The following CLCA2 variants were observed in gnomAD, a reference collection of about 807,000 sequenced individuals.
The protein encoded by CLCA2 is calcium-activated chloride channel regulator 2.
In CLCA2, 85 loss-of-function variants were observed where a neutral mutation model predicts 82.9. The observed-to-expected ratio is 1.03, with a 90% CI of 0.86 to 1.23. The LOEUF (loss-of-function observed/expected upper bound fraction) is 1.23, where lower values mean the gene tolerates loss of function less well. CLCA2 is among the 50% of genes most tolerant of loss of function. The pLI, the probability that CLCA2 is intolerant of heterozygous loss-of-function variation, is 0.00. For synonymous variants in CLCA2, 421 were observed against 391.7 expected (o/e 1.07, Z -0.88); for missense variants, 1,089 against 1,124.8 (o/e 0.97, Z 0.45).
chr1:86,446,142 T>C (rs772462719), intron 10 of CLCA2, among the ~76,000 whole-genome samples: 5 of 152,030 alleles, frequency 3.3e-5, no homozygotes, highest in Middle Eastern at 3.4e-3. Flanking sequence ...ACCAGCTGCA[T>C]TCCTCCTGAC....
At chr1:86,436,859 A>G (rs1489375011) in intron 6 of CLCA2, among the ~76,000 whole-genome samples, 3 of 152,130 alleles carry the variant, frequency 2.0e-5, no homozygotes, top group Non-Finnish European at 2.9e-5. Flanking sequence ...GATTACAGGC[A>G]TGTGCCACCA....
At chr1:86,431,120 GTTC>G (rs1187901235) in intron 4 of CLCA2, 150 bp downstream of exon 4, 1 of 593,486 alleles carries the variant, frequency 1.7e-6, no homozygotes, top group South Asian at 2.3e-5. Context: ...TCACTTTTCA[GTTC>G]TTAAGTTATA....
In CLCA2 at chr1:86,450,577, A is replaced by G. The variant is rs1451818803; in HGVS notation, c.1999A>G (p.Lys667Glu). The G allele has an allele frequency of 6.2e-7, 1 of 1,612,656 alleles. No individual in the cohort carries two copies. The highest frequency in any genetic ancestry group is 1.3e-5 in the African/African-American group (1 of 75,024). Residue 667 changes from lysine to glutamate, a missense_variant, in exon 12 of 14, where the codon AAA becomes GAA. Lys to Glu is a moderately conservative substitution (Grantham distance 56). Coordinates refer to ENST00000370565, the MANE Select transcript of CLCA2 (RefSeq NM_006536.7). ...TATATATACAGGTGCTGATGTTATA[A>G]AAAATGATGGAATTTACTCGAGGTA... ...LDDGAGADVI[K>E]NDGIYSRYFF...
intron 6 of CLCA2, among the ~76,000 whole-genome samples, chr1:86,435,617 G>A (rs1255025833): frequency 6.6e-6 from 1 of 152,162 alleles, no homozygotes; most frequent in Non-Finnish European, 1.5e-5. Context: ...TCGTTATAAA[G>A]AGCATGATGG....
intron 6 of CLCA2, among the ~76,000 whole-genome samples, chr1:86,437,479 G>A (rs1570258300): frequency 6.6e-6 from 1 of 152,316 alleles, no homozygotes; most frequent in Non-Finnish European, 1.5e-5. Flanking sequence ...CAATCTTGAA[G>A]GATTCAACTA....
At position 86,425,367 on chromosome 1, in the gene CLCA2, T is replaced by C; in HGVS notation, c.215T>C (p.Leu72Pro). The change falls in exon 2 of 14, where the codon CTA (leucine) becomes CCA (proline). Residue 72 changes from leucine (L) to proline (P), a missense_variant. Transcript: ENST00000370565. ...ATGATAACTGAAGCTTCATTTTACCTATTTAATGCTACCAAGAGAAGAGTA... is the reference window on the plus strand; with the variant it reads ...ATGATAACTGAAGCTTCATTTTACCCATTTAATGCTACCAAGAGAAGAGTA... ...KEMITEASFY[L>P]FNATKRRVFF... 1 of 1,563,722 alleles carries C rather than the reference T, an allele frequency of 6.4e-7. No homozygotes were observed. The highest frequency in any genetic ancestry group is 1.2e-5 in the South Asian group (1 of 81,004).
chr1:86,453,709 C>G, intron 13 of CLCA2, 107 bp downstream of exon 13: 1 of 951,848 alleles, frequency 1.1e-6, no homozygotes, highest in East Asian at 2.6e-5. Context: ...TTGTGAAAAG[C>G]TCTGAGTTGC....
At chr1:86,439,668 A>G (rs1570260363) in intron 7 of CLCA2, among the ~76,000 whole-genome samples, 1 of 152,314 alleles carries the variant, frequency 6.6e-6, no homozygotes, top group East Asian at 1.9e-4. Context: ...CCCATGGTCT[A>G]AACCTTGGCT....
chr1:86,438,087 C>T (rs1325922162), intron 6 of CLCA2, among the ~76,000 whole-genome samples: 1 of 151,842 alleles, frequency 6.6e-6, no homozygotes, highest in Middle Eastern at 3.2e-3. Flanking sequence ...AAGCCAGAAA[C>T]CTGTGTCCTA....
rs1662940653 is a variant in CLCA2, at chr1:86,450,573, T to C, written c.1995T>C (p.Val665=). 6.2e-7 allele frequency: 1 copy of C among 1,612,470 alleles called. No individual in the cohort carries two copies. Among genetic ancestry groups the C allele is most frequent in the East Asian group, 2.2e-5 (1 of 44,838 alleles). The change falls in exon 12 of 14, where the codon GTT becomes GTC. Residue 665 remains valine, a synonymous_variant. Transcript: ENST00000370565. ...TTTTTATATATACAGGTGCTGATGT[T>C]ATAAAAAATGATGGAATTTACTCGA... ...RLLDDGAGAD[V]IKNDGIYSRY...
chr1:86,446,089 C>T (rs548937229), intron 10 of CLCA2, among the ~76,000 whole-genome samples: 16 of 152,276 alleles, frequency 1.1e-4, no homozygotes, highest in African/African-American at 3.9e-4. Context: ...GAGGATTTCA[C>T]CAGTGTCTTC....
At chr1:86,431,425 G>T (rs1029077269) in intron 4 of CLCA2, among the ~76,000 whole-genome samples, 3 of 152,100 alleles carry the variant, frequency 2.0e-5, no homozygotes, top group Non-Finnish European at 2.9e-5. Context: ...CACACAGGTT[G>T]TTTCCCATCT....
At chr1:86,428,231 T>C (rs975011839) in intron 2 of CLCA2, among the ~76,000 whole-genome samples, 187 bp from the exon 3 acceptor site, 7 of 152,232 alleles carry the variant, frequency 4.6e-5, no homozygotes, top group Admixed American at 2.0e-4. Flanking sequence ...TATGTAGCTG[T>C]GGGTGCATTT....
chr1:86,425,384 A>G lies in CLCA2; in HGVS notation c.232A>G (p.Arg78Gly), dbSNP rs756044978. The change falls in exon 2 of 14, where the codon AGA (arginine) becomes GGA (glycine). Residue 78 changes from arginine to glycine, a missense_variant. Arg to Gly is a moderately radical substitution (Grantham distance 125). Coordinates refer to ENST00000370565, the MANE Select transcript of CLCA2 (RefSeq NM_006536.7). Reference protein sequence around the residue: ...ASFYLFNATKRRVFFRNIKIL... With the variant: ...ASFYLFNATKGRVFFRNIKIL... ...ATTTTACCTATTTAATGCTACCAAG[A>G]GAAGAGTATTTTTCAGAAATATAAA... 6.3e-6 allele frequency: 10 copies of G among 1,580,608 alleles called. No individual in the cohort carries two copies. The highest frequency in any genetic ancestry group is 8.6e-6 in the Non-Finnish European group (10 of 1,162,478).
intron 7 of CLCA2, 100 bp downstream of exon 7, chr1:86,439,206 G>T (rs1662675451): frequency 9.8e-7 from 1 of 1,024,234 alleles, no homozygotes. Context: ...TTACAGGGTG[G>T]TCATAACAGC....
intron 7 of CLCA2, 97 bp downstream of exon 7, chr1:86,439,203 G>T (rs1432085310): frequency 2.7e-6 from 3 of 1,129,386 alleles, no homozygotes; most frequent in African/African-American, 1.6e-5. Flanking sequence ...TTGTTACAGG[G>T]TGGTCATAAC....
At position 86,441,524 on chromosome 1, in the gene CLCA2, T is replaced by G; in HGVS notation, c.1469T>G (p.Ile490Ser). 1.2e-6 allele frequency: 2 copies of G among 1,609,138 alleles called. No homozygotes were observed. Among genetic ancestry groups the G allele is most frequent in the Non-Finnish European group, 1.7e-6 (2 of 1,176,026 alleles). The change falls in exon 9 of 14, where the codon ATT becomes AGT. Residue 490 changes from isoleucine to serine, a missense_variant. Transcript: ENST00000370565. ...FSRISSGTGD[I>S]FQQHIQLEST... ...AGAATTTCCTCTGGAACTGGAGACA[T>G]TTTCCAGCAACATATTCAGGTCAGA...
chr1:86,430,849 C>A lies in CLCA2; in HGVS notation c.476-13C>A. On this transcript the variant is annotated splice_polypyrimidine_tract_variant and intron_variant, in intron 3 of 13. Transcript: ENST00000370565. Reference sequence around the variant, plus strand: ...TTTTAGAAGCTCAAAAGCAAAAGTTCTTTCTTCCGCAGGCCGAGTGTTTGT... The same window carrying A: ...TTTTAGAAGCTCAAAAGCAAAAGTTATTTCTTCCGCAGGCCGAGTGTTTGT... 1.2e-6 allele frequency: 2 copies of A among 1,608,736 alleles called. No homozygotes were observed. Among genetic ancestry groups the A allele is most frequent in the African/African-American group, 1.3e-5 (1 of 74,866 alleles).
chr1:86,438,747 A>T, intron 6 of CLCA2, 129 bp from the exon 7 acceptor site: 1 of 739,500 alleles, frequency 1.4e-6, no homozygotes, highest in Non-Finnish European at 2.2e-6. Context: ...GTTACTCTTT[A>T]AAGCTCAAAA....
Sources: gnomAD v4.1 joint callset for allele counts (sites outside exome capture counted in the v4.1 genomes callset) on GRCh38, gnomAD v4.1.1 for gene constraint, MANE v1.5 for transcripts, NCBI Gene and HGNC (gene_info 2026-07-23, HGNC 2026-07-21) for gene names.